XYLT1: variants seen among roughly 807,000 people sequenced by gnomAD.
XYLT1 encodes the protein beta-D-xylosyltransferase 1.
In XYLT1, 36 loss-of-function variants were observed where a neutral mutation model predicts 91.3. That is an observed-to-expected ratio of 0.39 (90% CI 0.30 to 0.52). The LOEUF is 0.52. Among genes scored for constraint, XYLT1 ranks in the 20% least tolerant of loss-of-function variants. XYLT1 has a pLI of 0.68. For synonymous variants in XYLT1, 588 were observed against 532.0 expected, an observed-to-expected ratio of 1.11 and a Z score of -1.45; for missense variants, 1,242 against 1,284.5, an observed-to-expected ratio of 0.97 and a Z score of 0.51.
intron 2 of XYLT1, among the ~76,000 whole-genome samples, chr16:17,323,393 C>G (rs764307606): frequency 6.6e-6 from 1 of 152,182 alleles, no homozygotes; most frequent in Non-Finnish European, 1.5e-5. Flanking sequence ...ATTCCTAACT[C>G]GGGCAAAGCA....
intron 1 of XYLT1, among the ~76,000 whole-genome samples, chr16:17,378,530 G>T (rs1024229402): frequency 1.6e-4 from 25 of 152,288 alleles, no homozygotes; most frequent in African/African-American, 6.0e-4. Context: ...ATTCTAGCAA[G>T]ATGTCTCCTT....
intron 10 of XYLT1, among the ~76,000 whole-genome samples, chr16:17,121,979 C>T (rs12929427): frequency 0.65 from 99,115 of 151,628 alleles, 33,202 homozygotes; most frequent in Non-Finnish European, 0.71. Flanking sequence ...TATATATATG[C>T]GCACACACAC....
chr16:17,469,801 T>C (rs4238650), intron 1 of XYLT1, among the ~76,000 whole-genome samples: 86,645 of 151,906 alleles, frequency 0.57, 24,919 homozygotes, highest in African/African-American at 0.64. Flanking sequence ...ACAGAGGGCA[T>C]GGGAGACGGC....
intron 2 of XYLT1, among the ~76,000 whole-genome samples, chr16:17,322,931 A>G (rs891257321): frequency 5.9e-5 from 9 of 152,222 alleles, no homozygotes; most frequent in African/African-American, 2.2e-4. Context: ...GTGCTTGATG[A>G]AAGCTTGTGG....
chr16:17,449,204 C>T (rs2036632277), intron 1 of XYLT1, among the ~76,000 whole-genome samples: 2 of 152,238 alleles, frequency 1.3e-5, no homozygotes, highest in South Asian at 4.1e-4. Context: ...TCTCCTGCTG[C>T]CCCAGGCCAG....
chr16:17,256,378 C>T lies in XYLT1; in HGVS notation c.913+2610G>A, dbSNP rs961403692. Among the ~76,000 whole-genome samples the T allele has an allele frequency of 2.6e-5, 4 of 152,200 alleles. No individual in the cohort carries two copies. In the South Asian group the frequency reaches 6.2e-4, roughly 24 times the overall value. On this transcript the variant is annotated intron_variant, in intron 3 of 11. Coordinates refer to ENST00000261381, the MANE Select transcript of XYLT1 (RefSeq NM_022166.4). ...AATCGAATGAAGAGTTCTCACCAGGCGCGGTGGCTCACCCCTGTAATCCCA... is the reference window on the plus strand; with the variant it reads ...AATCGAATGAAGAGTTCTCACCAGGTGCGGTGGCTCACCCCTGTAATCCCA...
At chr16:17,189,933 C>T (rs1410505970) in intron 5 of XYLT1, among the ~76,000 whole-genome samples, 2 of 152,178 alleles carry the variant, frequency 1.3e-5, no homozygotes, top group African/African-American at 4.8e-5. Flanking sequence ...GTAATTACAG[C>T]TACCTGGGAG....
At position 17,333,963 on chromosome 16, in the gene XYLT1, C is replaced by T. The variant is rs1022890973; in HGVS notation, c.402+24049G>A. ...AGGAGGTGATCAGGCCAGAAGAGTTCCGCTATCATGCATGGGGTTAGTCCC... is the reference window on the plus strand; with the variant it reads ...AGGAGGTGATCAGGCCAGAAGAGTTTCGCTATCATGCATGGGGTTAGTCCC... On this transcript the variant is annotated intron_variant, in intron 2 of 11. Transcript: ENST00000261381. 2.6e-5 allele frequency among the ~76,000 whole-genome samples: 4 copies of T among 152,132 alleles called. No individual in the cohort carries two copies. In the South Asian group the frequency reaches 8.3e-4, roughly 31 times the overall value.
At chr16:17,263,718 T>C (rs911103315) in intron 2 of XYLT1, among the ~76,000 whole-genome samples, 1 of 152,110 alleles carries the variant, frequency 6.6e-6, no homozygotes, top group African/African-American at 2.4e-5. Context: ...TCTTTTCTTT[T>C]CTTTTTTGAG....
At chr16:17,130,886 C>CT (rs761564598) in intron 9 of XYLT1, among the ~76,000 whole-genome samples, 1 of 151,902 alleles carries the variant, frequency 6.6e-6, no homozygotes, top group Non-Finnish European at 1.5e-5. Flanking sequence ...TCTCTAGCCC[C>CT]CTTTTGTTTC....
At chr16:17,175,966 A>T (rs1314994010) in intron 5 of XYLT1, among the ~76,000 whole-genome samples, 1 of 152,208 alleles carries the variant, frequency 6.6e-6, no homozygotes, top group African/African-American at 2.4e-5. Flanking sequence ...AAAGACATTA[A>T]GTAAAGACAA....
At chr16:17,262,047 A>G (rs964987445) in intron 2 of XYLT1, among the ~76,000 whole-genome samples, 1 of 152,182 alleles carries the variant, frequency 6.6e-6, no homozygotes, top group Non-Finnish European at 1.5e-5. Context: ...GAAGAGTCCC[A>G]AGCAGCCTCT....
rs58467134 is a variant in XYLT1 at position 17,115,483 on chromosome 16, CTT to C, written c.2557+2161_2557+2162del. On this transcript the variant is annotated intron_variant, in intron 11 of 11. Transcript: ENST00000261381. ...TAGGCAAAAGAGCCTGACCTAAATTCTTTTTTTTTTTTTTGAGACAGAACCTC... is the reference window on the plus strand; with the variant it reads ...TAGGCAAAAGAGCCTGACCTAAATTCTTTTTTTTTTTTGAGACAGAACCTC... Among the ~76,000 whole-genome samples the C allele has an allele frequency of 2.4e-3, 330 of 137,708 alleles. 1 individual carries two copies. Among genetic ancestry groups the C allele is most frequent in the East Asian group, 4.6e-3 (22 of 4,734 alleles). The allele number at this position is 137,708 out of a possible 152,430, so 90.3% of individuals were successfully genotyped here.
chr16:17,368,252 C>T (rs2035480548), intron 1 of XYLT1, among the ~76,000 whole-genome samples: 2 of 152,176 alleles, frequency 1.3e-5, no homozygotes, highest in Admixed American at 1.3e-4. Flanking sequence ...ATGAGAACAC[C>T]TGGCTGGAAG....
intron 2 of XYLT1, among the ~76,000 whole-genome samples, chr16:17,301,759 T>C (rs2034399450): frequency 6.6e-6 from 1 of 152,188 alleles, no homozygotes; most frequent in Non-Finnish European, 1.5e-5. Context: ...ACTTCTTAGA[T>C]GAAGACTCGG....
chr16:17,412,205 C>A (rs1010891634), intron 1 of XYLT1, among the ~76,000 whole-genome samples: 4 of 152,044 alleles, frequency 2.6e-5, no homozygotes, highest in Non-Finnish European at 5.9e-5. Context: ...GTTGAAGATC[C>A]TGGTGAGGTG....
intron 3 of XYLT1, among the ~76,000 whole-genome samples, chr16:17,245,041 T>C (rs16968608): frequency 0.013 from 1,947 of 152,336 alleles, 23 homozygotes; most frequent in Admixed American, 0.027. Context: ...ACTCTTTTTT[T>C]TGACATGTGT....
chr16:17,164,744 C>T (rs117690694), intron 5 of XYLT1, among the ~76,000 whole-genome samples: 1 of 152,278 alleles, frequency 6.6e-6, no homozygotes, highest in East Asian at 1.9e-4. Context: ...TCATGTACCA[C>T]CTGTATGTTA....
chr16:17,109,915 GAACA>G lies in XYLT1; in HGVS notation c.2558-902_2558-899del, dbSNP rs377476062. 6.1e-3 allele frequency among the ~76,000 whole-genome samples: 924 copies of G among 152,284 alleles called. 30 individuals carry two copies. The South Asian group carries it at 0.095, about 16-fold the overall frequency. On this transcript the variant is annotated intron_variant, in intron 11 of 11. Transcript: ENST00000261381. ...CCTAAGGGTGCATGAACTGACCACA[GAACA>G]ATCACTCTGAAAGCATGAAGCTTGG...
Sources: allele counts gnomAD v4.1 joint callset (sites outside exome capture counted in the v4.1 genomes callset), GRCh38; gene constraint gnomAD v4.1.1; transcripts MANE v1.5; gene names NCBI Gene and HGNC (gene_info 2026-07-23, HGNC 2026-07-21).